CHN1: variants seen among roughly 807,000 people sequenced by gnomAD.
CHN1 encodes N-chimaerin.
Under a neutral mutation model 59.5 loss-of-function variants are expected in CHN1, and 37 were observed. That is an observed-to-expected ratio of 0.62 (90% CI 0.48 to 0.82). CHN1 has a LOEUF of 0.82. CHN1 is among the 40% of genes least tolerant of loss of function. CHN1 has a pLI of 0.00. For synonymous variants in CHN1, 206 were observed against 200.4 expected (o/e 1.03, Z -0.24); for missense variants, 469 against 571.0 (o/e 0.82, Z 1.82).
At chr2:174,928,434 T>C (rs1240272851) in intron 3 of CHN1, among the ~76,000 whole-genome samples, 1 of 152,156 alleles carries the variant, frequency 6.6e-6, no homozygotes, top group Non-Finnish European at 1.5e-5. Context: ...CTCATACAGA[T>C]ATAAAAATAA....
At chr2:174,820,628 A>G (rs1005224771) in intron 8 of CHN1, among the ~76,000 whole-genome samples, 4 of 152,180 alleles carry the variant, frequency 2.6e-5, no homozygotes, top group African/African-American at 9.6e-5. Flanking sequence ...GTGGTTTTGA[A>G]TAGCCCGTGT....
chr2:174,914,734 T>G (rs1688796631), intron 5 of CHN1, among the ~76,000 whole-genome samples: 1 of 149,096 alleles, frequency 6.7e-6, no homozygotes, highest in Non-Finnish European at 1.5e-5. Flanking sequence ...TCCCAGCTAC[T>G]CGGGAGGCTG....
At chr2:174,884,006 C>T (rs1687819655) in intron 5 of CHN1, among the ~76,000 whole-genome samples, 1 of 143,058 alleles carries the variant, frequency 7.0e-6, no homozygotes, top group African/African-American at 2.6e-5. Context: ...CTCGCTCTGT[C>T]GCCCAGGCTG....
intron 3 of CHN1, among the ~76,000 whole-genome samples, chr2:174,927,993 T>G (rs1417447213): frequency 6.6e-6 from 1 of 152,242 alleles, no homozygotes; most frequent in East Asian, 1.9e-4. Context: ...AACTGAAGAT[T>G]TGGTTCTGCA....
chr2:174,919,291 T>C (rs191122515), intron 3 of CHN1, among the ~76,000 whole-genome samples: 2 of 151,316 alleles, frequency 1.3e-5, no homozygotes, highest in Non-Finnish European at 3.0e-5. Context: ...AAAATAGGAG[T>C]GGGTAACAAA....
At chr2:174,881,811 T>TA (rs1350541810) in intron 5 of CHN1, among the ~76,000 whole-genome samples, 4 of 152,124 alleles carry the variant, frequency 2.6e-5, no homozygotes, top group African/African-American at 9.7e-5. Flanking sequence ...CTTGGTTAAA[T>TA]AGAGTGGGAA....
intron 3 of CHN1, among the ~76,000 whole-genome samples, chr2:174,932,154 G>A (rs1048956755): frequency 2.0e-5 from 3 of 152,184 alleles, no homozygotes; most frequent in Non-Finnish European, 4.4e-5. Context: ...AGGGATTACT[G>A]TGTGTTAAGG....
intron 1 of CHN1, among the ~76,000 whole-genome samples, chr2:174,995,146 A>G (rs1180844018): frequency 1.3e-5 from 2 of 152,170 alleles, no homozygotes; most frequent in Admixed American, 6.5e-5. Context: ...AGTACCTATT[A>G]TGTGCCAAAC....
chr2:174,846,882 T>C lies in CHN1; in HGVS notation c.625A>G (p.Lys209Glu), dbSNP rs1339933636. 3 of 1,549,014 alleles carry C rather than the reference T, an allele frequency of 1.9e-6. No individual in the cohort carries two copies. Among genetic ancestry groups the C allele is most frequent in the Middle Eastern group, 1.7e-4 (1 of 6,004 alleles). The change falls in exon 7 of 13, where the codon AAG becomes GAG. Residue 209 changes from lysine to glutamate, a missense_variant and splice_region_variant. Lys to Glu is a moderately conservative substitution (Grantham distance 56, BLOSUM62 1). Coordinates refer to ENST00000409900, the MANE Select transcript of CHN1 (RefSeq NM_001822.7). ...AGACTAAAAGCAAATATTCTTACCT[T>C]GAAATTGTGAATCTTTTCATATTTT... ...IPKYEKIHNF[K>E]VHTFRGPHWC...
At chr2:174,952,248 T>C (rs1021635977) in intron 1 of CHN1, 46 bp from the exon 2 acceptor site, 2 of 1,102,792 alleles carry the variant, frequency 1.8e-6, no homozygotes, top group Non-Finnish European at 1.3e-6. Flanking sequence ...ATTTAAATTT[T>C]AAATGAGACA....
intron 5 of CHN1, 70 bp from the exon 6 acceptor site, chr2:174,878,198 AAAAAC>A: frequency 7.7e-7 from 1 of 1,298,384 alleles, no homozygotes; most frequent in Non-Finnish European, 1.0e-6. Context: ...AAAAAAAAAC[AAAAAC>A]AAAAAAAAAC....
At chr2:174,824,875 G>T (rs1685633303) in intron 7 of CHN1, among the ~76,000 whole-genome samples, 1 of 152,182 alleles carries the variant, frequency 6.6e-6, no homozygotes, top group Non-Finnish European at 1.5e-5. Context: ...CTCCCAAAGT[G>T]CTGGGATTAC....
intron 3 of CHN1, among the ~76,000 whole-genome samples, chr2:174,929,013 T>C (rs575331880): frequency 6.6e-6 from 1 of 152,336 alleles, no homozygotes; most frequent in Admixed American, 6.5e-5. Flanking sequence ...GAATCAGATA[T>C]GTTATGAAAC....
At chr2:174,846,773 AT>A in intron 7 of CHN1, 106 bp downstream of exon 7, 2 of 1,130,244 alleles carry the variant, frequency 1.8e-6, no homozygotes, top group Non-Finnish European at 2.4e-6. Flanking sequence ...TAGCAAGAAC[AT>A]TTTAGTCAAG....
chr2:174,871,234 G>A (rs183282958), intron 6 of CHN1, among the ~76,000 whole-genome samples: 182 of 84,422 alleles, frequency 2.2e-3, no homozygotes, highest in African/African-American at 3.8e-3. Flanking sequence ...CCACCCTCAC[G>A]AACTATTTCA....
intron 5 of CHN1, among the ~76,000 whole-genome samples, chr2:174,886,897 A>T (rs1687912268): frequency 6.6e-6 from 1 of 152,194 alleles, no homozygotes; most frequent in African/African-American, 2.4e-5. Flanking sequence ...GCAAGTGCAC[A>T]ATTCAATGAG....
chr2:174,816,013 G>C (rs6713832), intron 8 of CHN1, among the ~76,000 whole-genome samples: 56,792 of 151,974 alleles, frequency 0.37, 12,204 homozygotes, highest in Admixed American at 0.55. Flanking sequence ...GTGGCACTGG[G>C]TGGGAGGGAG....
intron 1 of CHN1, among the ~76,000 whole-genome samples, chr2:174,958,523 A>T (rs938672875): frequency 3.3e-5 from 5 of 152,188 alleles, no homozygotes; most frequent in Non-Finnish European, 4.4e-5. Context: ...CCCGGAGATC[A>T]TTCTGACTTT....
At chr2:174,804,907 A>G (rs901176602) in intron 11 of CHN1, among the ~76,000 whole-genome samples, 7 of 152,246 alleles carry the variant, frequency 4.6e-5, no homozygotes, top group Admixed American at 2.0e-4. Context: ...CAAATGACAA[A>G]ATGCACTGAA....
Sources: allele counts gnomAD v4.1 joint callset (sites outside exome capture counted in the v4.1 genomes callset), GRCh38; gene constraint gnomAD v4.1.1; transcripts MANE v1.5; gene names NCBI Gene and HGNC (gene_info 2026-07-23, HGNC 2026-07-21).